The following MAGEA11 variants were observed in gnomAD, a reference collection of about 807,000 sequenced individuals.
MAGEA11 encodes melanoma-associated antigen 11.
A neutral mutation model predicts 8.4 loss-of-function variants in MAGEA11; 1 was observed. The observed-to-expected ratio is 0.12, with a 90% CI of 0.04 to 0.57. The LOEUF (loss-of-function observed/expected upper bound fraction) is 0.57. MAGEA11 is among the 20% of genes least tolerant of loss of function. The probability of loss-of-function intolerance (pLI) is 0.91; values close to 1 mark genes in which losing one functional copy is unlikely to be tolerated. For missense variants in MAGEA11, 209 were observed against 317.3 expected (o/e 0.66, Z 2.59); for synonymous variants, 127 against 119.3 (o/e 1.06, Z -0.42).
intron 1 of MAGEA11, among the ~76,000 whole-genome samples, chrX:149,692,329 C>T (rs1000694636): frequency 9.0e-6 from 1 of 110,572 alleles, no homozygotes; most frequent in African/African-American, 3.3e-5. Context: ...ATCACATGAA[C>T]CTGAGAGGCA....
intron 3 of MAGEA11, among the ~76,000 whole-genome samples, chrX:149,714,877 G>T (rs1482656855): frequency 2.7e-5 from 3 of 111,389 alleles, no homozygotes; most frequent in Non-Finnish European, 5.7e-5. Context: ...TCAGCTATGG[G>T]AAGTCCCTGG....
At chrX:149,713,872 T>A (rs782197819) in intron 2 of MAGEA11, 1 of 112,449 alleles carries the variant, frequency 8.9e-6, no homozygotes, top group East Asian at 2.8e-4. Context: ...CCCTCCCACA[T>A]GCCAAAGAAA....
Position 149,713,231 on chromosome X carries a change from G to A in MAGEA11, c.72G>A (p.Glu24=), listed in dbSNP as rs782494490. The change falls in exon 2 of 5, where the codon GAG becomes GAA. Residue 24 remains glutamate, a synonymous_variant. Transcript: ENST00000355220. Reference sequence around the variant, plus strand: ...GCATCAAGAGGAAGAAGAAGAGGGAGGACTCAGGAGACTTTGGACTCCAGG... The same window carrying A: ...GCATCAAGAGGAAGAAGAAGAGGGAAGACTCAGGAGACTTTGGACTCCAGG... The part of the protein sequence containing the change: ...PASIKRKKKR[E]DSGDFGLQVS... 44 of 1,200,010 alleles carry A rather than the reference G, an allele frequency of 3.7e-5. No individual in the cohort carries two copies. The highest frequency in any genetic ancestry group is 4.7e-5 in the Non-Finnish European group (42 of 889,539).
At chrX:149,695,033 T>G (rs1307760745) in intron 1 of MAGEA11, among the ~76,000 whole-genome samples, 1 of 111,974 alleles carries the variant, frequency 8.9e-6, no homozygotes, top group African/African-American at 3.2e-5. Context: ...TTTCCACCTT[T>G]CTGATAAGGC....
chrX:149,710,584 G>T (rs1179852189), upstream of MAGEA11, among the ~76,000 whole-genome samples: 1 of 110,712 alleles, frequency 9.0e-6, no homozygotes, highest in Non-Finnish European at 1.9e-5. Context: ...TACCAGCTGG[G>T]ACTGCAGTCA....
At chrX:149,711,943 C>G, upstream of MAGEA11, 3 of 414,628 alleles carry the variant, frequency 7.2e-6, no homozygotes, top group Non-Finnish European at 9.0e-6. Flanking sequence ...CCGCCCCGCC[C>G]CGCCTCGCCT....
chrX:149,710,943 GC>G (rs1314074713), upstream of MAGEA11, among the ~76,000 whole-genome samples: 1 of 111,703 alleles, frequency 9.0e-6, no homozygotes, highest in Non-Finnish European at 1.9e-5. Context: ...CTTGTGATTG[GC>G]GGGGAAGAGT....
chrX:149,700,658 T>G (rs956969593), intron 1 of MAGEA11, among the ~76,000 whole-genome samples: 7 of 109,804 alleles, frequency 6.4e-5, no homozygotes, highest in Non-Finnish European at 1.1e-4. Context: ...CTGGTGTGCT[T>G]CACCCATTAA....
chrX:149,691,938 G>A (rs2124276550), intron 1 of MAGEA11, among the ~76,000 whole-genome samples: 1 of 112,563 alleles, frequency 8.9e-6, no homozygotes, highest in Admixed American at 9.4e-5. Context: ...TGTGTTACAA[G>A]ATAAACTTAG....
rs183165619 is a variant in MAGEA11 at position 149,690,460 on chromosome X, G to A, written c.9+1476G>A. On this transcript the variant is annotated intron_variant, in intron 1 of 3. Coordinates refer to the MAGEA11 transcript ENST00000333104. ...CTTATTAGTATACCTCATGTGCAAT[G>A]AGGAAAACAGTCATCTCTATTCAGC... Among the ~76,000 whole-genome samples the A allele has an allele frequency of 4.5e-5, 5 of 112,105 alleles. No individual in the cohort carries two copies. The East Asian group carries it at 1.4e-3, about 31-fold the overall frequency.
chrX:149,703,985 C>G (rs1174251670), intron 1 of MAGEA11, among the ~76,000 whole-genome samples: 2 of 112,188 alleles, frequency 1.8e-5, no homozygotes, highest in Admixed American at 9.4e-5. Flanking sequence ...AGCTAATATT[C>G]AAACTTACTT....
intron 1 of MAGEA11, among the ~76,000 whole-genome samples, chrX:149,705,294 A>G (rs1471649576): frequency 2.7e-5 from 3 of 111,478 alleles, no homozygotes; most frequent in Non-Finnish European, 5.7e-5. Flanking sequence ...GGGGGCAGTT[A>G]CCCTATGCTG....
chrX:149,716,455 C>G lies in MAGEA11; in HGVS notation c.969C>G (p.Phe323Leu). Residue 323 changes from phenylalanine (F) to leucine (L), a missense_variant, in exon 5 of 5, where the codon TTC becomes TTG. This residue lies in a region of MAGEA11 where 78 missense variants were observed against 178.8 expected (regional missense o/e 0.44). Transcript: ENST00000355220. ...GLLIIVLGVI[F>L]MEGNCIPEEV... ...TGATAATAGTCCTGGGTGTAATCTTCATGGAGGGGAACTGCATCCCTGAAG... is the reference window on the plus strand; with the variant it reads ...TGATAATAGTCCTGGGTGTAATCTTGATGGAGGGGAACTGCATCCCTGAAG... 1.2e-5 allele frequency: 14 copies of G among 1,211,433 alleles called. No homozygotes were observed. The highest frequency in any genetic ancestry group is 1.1e-5 in the Non-Finnish European group (10 of 895,208).
In MAGEA11 at chrX:149,712,136, C is replaced by G; in HGVS notation, c.-44C>G. 1 of 752,644 alleles carries G rather than the reference C, an allele frequency of 1.3e-6. No homozygotes were observed. The highest frequency in any genetic ancestry group is 1.6e-6 in the Non-Finnish European group (1 of 638,535). 62.0% of individuals were successfully genotyped at this position (752,644 alleles called of 1,213,427 possible). ...GTGTCTTGAGAGTGGCAGAGGGCAG[C>G]GGGTCCAGGCTCCATGAGGAGGCAA... On this transcript the variant is annotated 5_prime_UTR_variant, in exon 1 of 5. Coordinates refer to ENST00000355220, the MANE Select transcript of MAGEA11 (RefSeq NM_005366.5).
upstream of MAGEA11, among the ~76,000 whole-genome samples, chrX:149,710,159 T>C (rs190454870): frequency 1.6e-3 from 180 of 111,772 alleles, no homozygotes; most frequent in African/African-American, 5.5e-3. Flanking sequence ...CAATAACTAT[T>C]AAGAACAGGT....
chrX:149,700,094 T>G (rs782104229), intron 1 of MAGEA11, among the ~76,000 whole-genome samples: 2 of 112,669 alleles, frequency 1.8e-5, no homozygotes, highest in East Asian at 5.6e-4. Context: ...TCCCCTGACA[T>G]GTAGGGATTA....
chrX:149,697,313 G>A (rs1013194990), intron 1 of MAGEA11, among the ~76,000 whole-genome samples: 3 of 111,016 alleles, frequency 2.7e-5, no homozygotes, highest in African/African-American at 9.8e-5. Flanking sequence ...CATCATTACC[G>A]ATTCACCCTC....
chrX:149,714,387 C>T (rs183239060), intron 2 of MAGEA11, 94 bp from the exon 3 acceptor site: 14,601 of 1,121,108 alleles, frequency 0.013, 94 homozygotes, highest in South Asian at 0.043. Flanking sequence ...TCCCCAGAAC[C>T]GAAGGGTCCA....
chrX:149,713,101 C>CT, intron 1 of MAGEA11, 42 bp from the exon 2 acceptor site: 1 of 916,914 alleles, frequency 1.1e-6, no homozygotes, highest in Non-Finnish European at 1.6e-6. Flanking sequence ...CAGCCCCCCC[C>CT]CATAGTCCCG....
Sources: gnomAD v4.1 joint callset for allele counts (sites outside exome capture counted in the v4.1 genomes callset) on GRCh38, gnomAD v4.1.1 for gene constraint, gnomAD v4.1.1 regional missense constraint, MANE v1.5 for transcripts, NCBI Gene and HGNC (gene_info 2026-07-23, HGNC 2026-07-21) for gene names.